NBPF20: variants seen among roughly 807,000 people sequenced by gnomAD.
NBPF20 encodes NBPF member 20.
A neutral mutation model predicts 68.1 loss-of-function variants in NBPF20; 90 were observed. That is an observed-to-expected ratio of 1.32 (90% CI 1.11 to 1.58). The LOEUF (loss-of-function observed/expected upper bound fraction) is 1.58. Among genes scored for constraint, NBPF20 ranks in the 40% most tolerant of loss-of-function variants. The pLI, the probability that NBPF20 is intolerant of heterozygous loss-of-function variation, is 0.00. For synonymous variants in NBPF20, 290 were observed against 228.1 expected (o/e 1.27, Z -2.45); for missense variants, 816 against 601.2 (o/e 1.36, Z -3.74).
chr1:145,400,292 T>C (rs1662458330), intron 6 of NBPF20, 97 bp downstream of exon 11: 1 of 1,598,046 alleles, frequency 6.3e-7, no homozygotes, highest in Non-Finnish European at 8.5e-7. Context: ...CATCACAGTT[T>C]TTTATTCAAA....
chr1:145,394,737 G>A (rs1662131326), intron 8 of NBPF20, among the ~76,000 whole-genome samples: 1 of 151,824 alleles, frequency 6.6e-6, no homozygotes, highest in African/African-American at 2.4e-5. Flanking sequence ...TCAATGTCGT[G>A]ACAATCAGTC....
chr1:145,410,022 G>C (rs1223337819), upstream of NBPF20, among the ~76,000 whole-genome samples: 1 of 151,958 alleles, frequency 6.6e-6, no homozygotes, highest in Admixed American at 6.6e-5. Flanking sequence ...ACAGATCATT[G>C]TGCAGACACA....
chr1:145,415,403 A>G, the NBPF20 span, among the ~76,000 whole-genome samples: 1 of 151,404 alleles, frequency 6.6e-6, no homozygotes, highest in Non-Finnish European at 1.5e-5. Flanking sequence ...TCTTTTACTA[A>G]TCCTCCTCAG....
chr1:145,292,447 C>A (rs782268819), exon 137 of NBPF20: 14 of 709,618 alleles, frequency 2.0e-5, no homozygotes, highest in South Asian at 7.4e-5. Flanking sequence ...CTTCTTTGAT[C>A]TTCTTCCCCT....
upstream of NBPF20, among the ~76,000 whole-genome samples, chr1:145,407,491 A>AAT (rs782108426): frequency 6.8e-6 from 1 of 147,238 alleles, no homozygotes; most frequent in Admixed American, 6.8e-5. Flanking sequence ...CAAACACATG[A>AAT]ATATATATAA....
chr1:145,311,846 T>C (rs1319744345), intron 112 of NBPF20, among the ~76,000 whole-genome samples: 1 of 109,586 alleles, frequency 9.1e-6, no homozygotes, highest in Non-Finnish European at 1.8e-5. Context: ...ACTCAGATTG[T>C]TCACGGTAGC....
At chr1:145,405,061 T>C (rs782000609) in intron 2 of NBPF20, 37 bp downstream of exon 7, 97 of 1,612,530 alleles carry the variant, frequency 6.0e-5, no homozygotes, top group Non-Finnish European at 1.6e-5. Context: ...CAGGACATCA[T>C]TCATCACTTT....
chr1:145,394,579 A>G (rs1308288665), intron 8 of NBPF20, among the ~76,000 whole-genome samples: 63 of 152,158 alleles, frequency 4.1e-4, no homozygotes, highest in Non-Finnish European at 8.2e-4. Context: ...GGGCGGGTAA[A>G]GAACCACACA....
the NBPF20 span, among the ~76,000 whole-genome samples, chr1:145,417,906 C>T: frequency 7.5e-6 from 1 of 133,982 alleles, no homozygotes; most frequent in Non-Finnish European, 1.6e-5. Context: ...AAATCCTGCA[C>T]ATAAGTACTT....
chr1:145,417,387 G>A, the NBPF20 span, among the ~76,000 whole-genome samples: 4 of 144,552 alleles, frequency 2.8e-5, no homozygotes, highest in African/African-American at 1.0e-4. Flanking sequence ...GAAAATCTGA[G>A]GGATCCTGGG....
intron 8 of NBPF20, among the ~76,000 whole-genome samples, chr1:145,394,321 G>C (rs1421521075): frequency 6.6e-6 from 1 of 151,612 alleles, no homozygotes; most frequent in Non-Finnish European, 1.5e-5. Context: ...TGTGGACACA[G>C]AGATTTGATG....
chr1:145,341,100 GC>G (rs1319997495), intron 75 of NBPF20, among the ~76,000 whole-genome samples, 161 bp from the exon 81 acceptor site: 1 of 80,912 alleles, frequency 1.2e-5, no homozygotes, highest in Non-Finnish European at 3.0e-5. Flanking sequence ...ATAGAACAGG[GC>G]CAGGTAGAAA....
chr1:145,366,355 G>C lies in NBPF20; in HGVS notation c.5154-3C>G. On this transcript the variant is annotated splice_region_variant and splice_polypyrimidine_tract_variant and intron_variant, in intron 43 of 137. Transcript: ENST00000369373. Reference sequence around the variant, plus strand: ...CCTCCAGCAGCTCCCTGCTGAGCCTGGAAAAGGAGGAAAAAGTAAAGAATA... The same window carrying C: ...CCTCCAGCAGCTCCCTGCTGAGCCTCGAAAAGGAGGAAAAAGTAAAGAATA... 1.2e-5 allele frequency: 1 copy of C among 80,992 alleles called. No homozygotes were observed. The highest frequency in any genetic ancestry group is 2.0e-5 in the Non-Finnish European group (1 of 49,380). The allele number at this position is 80,992 out of a possible 1,614,324, so 5.0% of individuals were successfully genotyped here. A position where few individuals can be genotyped will look rare whatever the true frequency, so the allele number is the denominator to read the frequency against.
At chr1:145,417,358 C>T in the NBPF20 span, among the ~76,000 whole-genome samples, 2 of 147,036 alleles carry the variant, frequency 1.4e-5, no homozygotes, top group African/African-American at 5.0e-5. Context: ...CCATAAGAAT[C>T]CTAAGAGATA....
At chr1:145,405,074 T>A (rs782780548) in intron 2 of NBPF20, 24 bp downstream of exon 7, 2 of 1,613,182 alleles carry the variant, frequency 1.2e-6, no homozygotes, top group Non-Finnish European at 1.7e-6. Context: ...ATCACTTTCA[T>A]GATGGTGAGC....
rs782484780 is a variant in NBPF20, at chr1:145,405,078, G to T, written c.175+20C>A. The T allele has an allele frequency of 2.3e-5, 37 of 1,613,182 alleles. No homozygotes were observed. The highest frequency in any genetic ancestry group is 2.3e-5 in the Non-Finnish European group (27 of 1,179,864). On this transcript the variant is annotated intron_variant, in intron 2 of 137. Transcript: ENST00000369373. Reference sequence around the variant, plus strand: ...GGACATCATTCATCACTTTCATGATGGTGAGCCTATAGATCTTACTGTATT... The same window carrying T: ...GGACATCATTCATCACTTTCATGATTGTGAGCCTATAGATCTTACTGTATT...
At chr1:145,425,342 G>A in the NBPF20 span, among the ~76,000 whole-genome samples, 3 of 151,124 alleles carry the variant, frequency 2.0e-5, no homozygotes, top group African/African-American at 7.3e-5. Flanking sequence ...GGCCTGGCGC[G>A]GCGCCTTCAC....
Position 145,396,735 on chromosome 1 carries a change from T to C in NBPF20, c.828-1594A>G, listed in dbSNP as rs1267543946. ...TTTTTCCATATGTATAGTTTTCCTTTATTATTTTTTGTGTGTATGTATATA... is the reference window on the plus strand; with the variant it reads ...TTTTTCCATATGTATAGTTTTCCTTCATTATTTTTTGTGTGTATGTATATA... On this transcript the variant is annotated intron_variant, in intron 7 of 137. Transcript: ENST00000369373. Among the ~76,000 whole-genome samples the C allele has an allele frequency of 3.1e-5, 4 of 127,394 alleles. No individual in the cohort carries two copies. The Admixed American group carries it at 3.2e-4, about 10-fold the overall frequency. The allele number at this position is 127,394 out of a possible 152,430, so 83.6% of individuals were successfully genotyped here.
intron 134 of NBPF20, 179 bp downstream of exon 139, chr1:145,294,603 C>T: frequency 1.9e-5 from 1 of 52,132 alleles, no homozygotes; most frequent in Non-Finnish European, 3.0e-5. Flanking sequence ...TGCTCACTGA[C>T]CCATTTCATG....
Sources: allele counts gnomAD v4.1 joint callset (sites outside exome capture counted in the v4.1 genomes callset), GRCh38; gene constraint gnomAD v4.1.1; transcripts MANE v1.5; gene names NCBI Gene and HGNC (gene_info 2026-07-23, HGNC 2026-07-21).